Variants in THEMIS observed in about 807,000 individuals in gnomAD.
THEMIS encodes thymocyte selection associated, also known as protein THEMIS.
THEMIS carries 37 observed loss-of-function variants against 52.6 expected under a neutral mutation model. That is an observed-to-expected ratio of 0.70 (90% CI 0.54 to 0.93). THEMIS has a LOEUF of 0.93. Ranked by LOEUF, THEMIS falls within the 40% of genes least tolerant of loss-of-function variation. THEMIS has a pLI of 0.00. For synonymous variants in THEMIS, 292 were observed against 272.7 expected (o/e 1.07, Z -0.70); for missense variants, 808 against 763.1 (o/e 1.06, Z -0.69).
intron 2 of THEMIS, among the ~76,000 whole-genome samples, chr6:127,835,726 G>T (rs1778853687): frequency 2.6e-5 from 4 of 152,098 alleles, no homozygotes; most frequent in Admixed American, 2.6e-4. Flanking sequence ...CTACAGCTCA[G>T]CATCTGGCAC....
In THEMIS at chr6:127,734,957, ATG is replaced by A. The variant is rs541202962; in HGVS notation, c.1759-15136_1759-15135del. Among the ~76,000 whole-genome samples, 269 of 137,838 alleles carry A rather than the reference ATG, an allele frequency of 2.0e-3. 2 individuals are homozygous for A. In the South Asian group the frequency reaches 0.043, roughly 22 times the overall value. 90.4% of individuals were successfully genotyped at this position (137,838 alleles called of 152,430 possible). A position where few individuals can be genotyped will look rare whatever the true frequency, so the allele number is the denominator to read the frequency against. On this transcript the variant is annotated intron_variant, in intron 4 of 5. Coordinates refer to ENST00000368248, the MANE Select transcript of THEMIS (RefSeq NM_001010923.3). ...TGTGTGTATGTATATATATACATATATGTGTGTGTGTATATGTGTGTGTATAT... is the reference window on the plus strand; with the variant it reads ...TGTGTGTATGTATATATATACATATATGTGTGTGTATATGTGTGTGTATAT...
At chr6:127,746,781 A>T (rs978072626) in intron 4 of THEMIS, among the ~76,000 whole-genome samples, 958 of 56,118 alleles carry the variant, frequency 0.017, 22 homozygotes, top group Non-Finnish European at 0.023. Context: ...TATTATATAT[A>T]ATTATATATT....
At position 127,709,613 on chromosome 6, in the gene THEMIS, T is replaced by C. The variant is rs1773905951; in HGVS notation, c.*372A>G. ...AATTCTGGAAAAAAAAGAAAATATTTGGTGGCTTTTATCCTATTTCAGACT... is the reference window on the plus strand; with the variant it reads ...AATTCTGGAAAAAAAAGAAAATATTCGGTGGCTTTTATCCTATTTCAGACT... On this transcript the variant is annotated 3_prime_UTR_variant, in exon 6 of 6. Transcript: ENST00000368248. 5.8e-6 allele frequency: 1 copy of C among 171,368 alleles called. No homozygotes were observed. Among genetic ancestry groups the C allele is most frequent in the Non-Finnish European group, 1.2e-5 (1 of 81,174 alleles). 10.6% of individuals were successfully genotyped at this position (171,368 alleles called of 1,614,324 possible).
At chr6:127,765,175 G>T (rs1776154956) in intron 4 of THEMIS, among the ~76,000 whole-genome samples, 1 of 151,998 alleles carries the variant, frequency 6.6e-6, no homozygotes, top group Non-Finnish European at 1.5e-5. Context: ...ATAACACAAA[G>T]CCAAAATCGT....
chr6:127,814,065 T>C, intron 3 of THEMIS, 134 bp from the exon 4 acceptor site: 3 of 780,092 alleles, frequency 3.8e-6, no homozygotes, highest in East Asian at 3.0e-5. Flanking sequence ...TCATTTCTTA[T>C]GTGTGATTTT....
chr6:127,786,703 C>G (rs1335249646), intron 4 of THEMIS, among the ~76,000 whole-genome samples: 1 of 152,136 alleles, frequency 6.6e-6, no homozygotes, highest in Non-Finnish European at 1.5e-5. Flanking sequence ...CTAAGGACTT[C>G]TGAAAATCTA....
chr6:127,870,705 G>A (rs2114381315), intron 1 of THEMIS, among the ~76,000 whole-genome samples: 1 of 152,114 alleles, frequency 6.6e-6, no homozygotes, highest in African/African-American at 2.4e-5. Flanking sequence ...ACCAAATGAA[G>A]TAAAATTTAG....
intron 1 of THEMIS, among the ~76,000 whole-genome samples, chr6:127,891,241 T>C (rs561385279): frequency 1.3e-5 from 2 of 152,120 alleles, no homozygotes; most frequent in African/African-American, 4.8e-5. Flanking sequence ...AGAAAGTCCT[T>C]ACATTTCGGC....
intron 1 of THEMIS, among the ~76,000 whole-genome samples, chr6:127,911,056 G>GCAGCTGGTGAAAGCAGCCA (rs1562335705): frequency 2.0e-4 from 30 of 151,600 alleles, no homozygotes; most frequent in African/African-American, 6.8e-4. Flanking sequence ...TTATGGGTTT[G>GCAGCTGGTGAAAGCAGCCA]GGGAGGAAGA....
At chr6:127,911,081 T>C (rs774477432) in intron 1 of THEMIS, among the ~76,000 whole-genome samples, 19 of 151,532 alleles carry the variant, frequency 1.3e-4, no homozygotes, top group Non-Finnish European at 2.8e-4. Context: ...AGAGGTAAAT[T>C]AGTTCTCATT....
At chr6:127,837,634 A>C (rs1778915318) in intron 2 of THEMIS, among the ~76,000 whole-genome samples, 4 of 151,938 alleles carry the variant, frequency 2.6e-5, no homozygotes, top group Non-Finnish European at 4.4e-5. Flanking sequence ...ATATATATAT[A>C]TCTATATATA....
At chr6:127,874,359 A>T (rs989480645) in intron 1 of THEMIS, among the ~76,000 whole-genome samples, 1 of 152,190 alleles carries the variant, frequency 6.6e-6, no homozygotes, top group Non-Finnish European at 1.5e-5. Context: ...TGTGACTAGC[A>T]CCATAAACAG....
intron 4 of THEMIS, among the ~76,000 whole-genome samples, chr6:127,733,266 A>G (rs1029684874): frequency 6.6e-6 from 1 of 152,046 alleles, no homozygotes; most frequent in Admixed American, 6.5e-5. Context: ...TCCCTTATCT[A>G]TTTTGCAAAT....
In THEMIS at chr6:127,911,132, C is replaced by T. The variant is rs540819691; in HGVS notation, c.-150+7296G>A. ...TATAGACTATCAACATAATCTATCACTGATAATGTTAACTTTATCTGACTA... is the reference window on the plus strand; with the variant it reads ...TATAGACTATCAACATAATCTATCATTGATAATGTTAACTTTATCTGACTA... On this transcript the variant is annotated intron_variant, in intron 1 of 6. Transcript: ENST00000368250. 4.3e-4 allele frequency among the ~76,000 whole-genome samples: 65 copies of T among 151,482 alleles called. 3 individuals carry two copies. Among genetic ancestry groups the T allele is most frequent in the African/African-American group, 1.5e-3 (60 of 40,806 alleles).
At chr6:127,732,654 A>G (rs575023569) in intron 4 of THEMIS, among the ~76,000 whole-genome samples, 1 of 152,286 alleles carries the variant, frequency 6.6e-6, no homozygotes, top group African/African-American at 2.4e-5. Flanking sequence ...GAATCATATA[A>G]CATATTCTTT....
chr6:127,797,437 C>T (rs2114545542), intron 4 of THEMIS, among the ~76,000 whole-genome samples: 1 of 152,316 alleles, frequency 6.6e-6, no homozygotes, highest in East Asian at 1.9e-4. Flanking sequence ...CACACCTTGT[C>T]TTCAGAGAAC....
intron 1 of THEMIS, among the ~76,000 whole-genome samples, chr6:127,885,458 A>G (rs1780615625): frequency 6.6e-6 from 1 of 152,098 alleles, no homozygotes; most frequent in Non-Finnish European, 1.5e-5. Context: ...ACATTGTATT[A>G]TAAATACTGA....
chr6:127,912,584 A>G (rs1781436268), intron 1 of THEMIS, among the ~76,000 whole-genome samples: 1 of 152,162 alleles, frequency 6.6e-6, no homozygotes, highest in South Asian at 2.1e-4. Flanking sequence ...CCAAGCTTCC[A>G]TATTATTTTA....
rs73773959 is a variant in THEMIS, at chr6:127,906,911, G to A, written c.-149-5830C>T. On this transcript the variant is annotated intron_variant, in intron 1 of 6. Transcript: ENST00000368250. ...TTCGTTTGTTAGATTCTCTATAGCTGCTTTCCTAAAAAGTAAGTAGAACTG... is the reference window on the plus strand; with the variant it reads ...TTCGTTTGTTAGATTCTCTATAGCTACTTTCCTAAAAAGTAAGTAGAACTG... Among the ~76,000 whole-genome samples the A allele has an allele frequency of 3.9e-3, 584 of 151,586 alleles. 3 individuals carry two copies. Among genetic ancestry groups the A allele is most frequent in the African/African-American group, 0.014 (570 of 41,324 alleles).
Sources: gnomAD v4.1 joint callset for allele counts (sites outside exome capture counted in the v4.1 genomes callset) on GRCh38, gnomAD v4.1.1 for gene constraint, MANE v1.5 for transcripts, NCBI Gene and HGNC (gene_info 2026-07-23, HGNC 2026-07-21) for gene names.